The following NBL1 variants were observed in gnomAD, a reference collection of about 807,000 sequenced individuals.
NBL1 encodes the protein neuroblastoma suppressor of tumorigenicity 1.
Under a neutral mutation model 16.0 loss-of-function variants are expected in NBL1, and 9 were observed. The observed-to-expected ratio is 0.56, with a 90% CI of 0.34 to 0.98. NBL1 has a LOEUF of 0.98. Ranked by LOEUF, NBL1 falls within the 50% of genes least tolerant of loss-of-function variation. The pLI is 0.02. For synonymous variants in NBL1, 86 were observed against 100.7 expected, an observed-to-expected ratio of 0.85 and a Z score of 0.87; for missense variants, 196 against 243.1, an observed-to-expected ratio of 0.81 and a Z score of 1.29.
rs981328144 is a variant in NBL1, at chr1:19,644,780, G to A, written c.-20+334G>A. Reference sequence around the variant, plus strand: ...GCGAGGGAGGGAGATGCGTGGCCGGGCGGGCCGGGCTCGCATGTCCCCCGG... The same window carrying A: ...GCGAGGGAGGGAGATGCGTGGCCGGACGGGCCGGGCTCGCATGTCCCCCGG... On this transcript the variant is annotated intron_variant, in intron 1 of 3. Transcript: ENST00000375136. The surrounding 1 kb of genome is among the most constrained non-coding windows in gnomAD (Gnocchi z 4.6). 4.0e-5 allele frequency among the ~76,000 whole-genome samples: 6 copies of A among 151,780 alleles called. No homozygotes were observed. The highest frequency in any genetic ancestry group is 5.9e-5 in the Non-Finnish European group (4 of 67,896).
At chr1:19,649,408 G>A (rs1171302099) in intron 1 of NBL1, among the ~76,000 whole-genome samples, 1 of 151,948 alleles carries the variant, frequency 6.6e-6, no homozygotes, top group Non-Finnish European at 1.5e-5. Context: ...CCCCAGGCTG[G>A]AGTGCAGTGG....
In NBL1 at chr1:19,656,856, C is replaced by A; in HGVS notation, c.283-10C>A. 1.2e-6 allele frequency: 2 copies of A among 1,604,290 alleles called. No homozygotes were observed. The highest frequency in any genetic ancestry group is 8.5e-7 in the Non-Finnish European group (1 of 1,173,046). On this transcript the variant is annotated splice_polypyrimidine_tract_variant and intron_variant, in intron 3 of 3. Coordinates refer to ENST00000375136, the MANE Select transcript of NBL1 (RefSeq NM_005380.8). ...GGAACATGCCTCTGCTTCTCTCTTG[C>A]CCTCTGCAGGTGACGCTGGAGTGCC...
At chr1:19,651,492 C>T (rs2095025268) in intron 1 of NBL1, among the ~76,000 whole-genome samples, 1 of 152,198 alleles carries the variant, frequency 6.6e-6, no homozygotes, top group African/African-American at 2.4e-5. Context: ...GGGCCTGCAA[C>T]CTCTTCCAAA....
At chr1:19,646,019 G>T (rs558529900) in intron 1 of NBL1, 125 of 1,550,494 alleles carry the variant, frequency 8.1e-5, no homozygotes, top group Non-Finnish European at 1.1e-4. Flanking sequence ...TCGTTTGCGG[G>T]CAGGAGGGTC....
chr1:19,655,416 C>T lies in NBL1; in HGVS notation c.263C>T (p.Ala88Val), dbSNP rs367788510. 1.2e-5 allele frequency: 20 copies of T among 1,614,152 alleles called. No individual in the cohort carries two copies. The highest frequency in any genetic ancestry group is 1.7e-5 in the Non-Finnish European group (20 of 1,180,016). Residue 88 changes from alanine to valine, a missense_variant, in exon 3 of 4, where the codon GCC (alanine) becomes GTC (valine). Physicochemically the swap from Ala to Val is moderately conservative, Grantham distance 64. Transcript: ENST00000375136. ...SLVHCDSCMPAQSMWEIVTLE... is the reference protein window; with the variant it reads ...SLVHCDSCMPVQSMWEIVTLE... ...GTTCACTGTGACTCCTGCATGCCAG[C>T]CCAGTCCATGTGGGAGATTGTGAGT...
upstream of NBL1, chr1:19,644,173 C>G (rs2094963166): frequency 2.0e-6 from 2 of 980,262 alleles, no homozygotes; most frequent in African/African-American, 3.5e-5. The surrounding 1 kb of genome is among the most constrained non-coding windows in gnomAD (Gnocchi z 4.6). Context: ...TCCTGCGCAC[C>G]CGGAGGGAGA....
At chr1:19,643,484 A>G, upstream of NBL1, 2 of 1,570,686 alleles carry the variant, frequency 1.3e-6, no homozygotes, top group Non-Finnish European at 1.7e-6. The surrounding 1 kb of genome is among the most constrained non-coding windows in gnomAD (Gnocchi z 4.7). Context: ...AAGCAAAGTT[A>G]TTTTCTCACC....
upstream of NBL1, chr1:19,644,028 G>C: frequency 1.0e-6 from 1 of 983,696 alleles, no homozygotes; most frequent in South Asian, 4.7e-5. This position sits in a 1 kb window ranked among gnomAD's most constrained non-coding sequence, Gnocchi z 4.6. Flanking sequence ...CAGGGCGCCC[G>C]GCTGGGCTGC....
chr1:19,658,221 T>C lies in NBL1; in HGVS notation c.*1092T>C, dbSNP rs1358231089. On this transcript the variant is annotated 3_prime_UTR_variant, in exon 4 of 4. Transcript: ENST00000375136. The stretch of plus-strand genomic sequence containing the variant: ...CCAGCTGCACTTTAACCCTAGAAGG[T>C]GGGGACCTGGGGGGAGGGACAGGGC... 3.3e-5 allele frequency: 5 copies of C among 152,718 alleles called. No individual in the cohort carries two copies. The highest frequency in any genetic ancestry group is 2.6e-4 in the Admixed American group (4 of 15,276). The allele number at this position is 152,718 out of a possible 1,614,324, so 9.5% of individuals were successfully genotyped here. A position where few individuals can be genotyped will look rare whatever the true frequency, so the allele number is the denominator to read the frequency against.
intron 1 of NBL1, chr1:19,645,716 C>T (rs1302747542): frequency 1.7e-5 from 23 of 1,323,102 alleles, no homozygotes; most frequent in Non-Finnish European, 2.0e-5. Context: ...CCTCGGTGAC[C>T]CCTACCCCTC....
At chr1:19,653,906 C>T (rs547325951) in intron 1 of NBL1, among the ~76,000 whole-genome samples, 1 of 152,078 alleles carries the variant, frequency 6.6e-6, no homozygotes, top group Non-Finnish European at 1.5e-5. Context: ...TAGTATCTCA[C>T]TCCATCCTAT....
At position 19,657,071 on chromosome 1, in the gene NBL1, C is replaced by A; in HGVS notation, c.488C>A (p.Pro163His). The A allele has an allele frequency of 6.5e-7, 1 of 1,536,802 alleles. No homozygotes were observed. The highest frequency in any genetic ancestry group is 8.8e-7 in the Non-Finnish European group (1 of 1,138,850). ...CACCCCCATCCTGGCGGGCAGACCC[C>A]TGAGCCCGAGGACCCCCCTGGGGCC... ...HPHPHPGGQT[P>H]EPEDPPGAPH... Residue 163 changes from proline to histidine, a missense_variant, in exon 4 of 4, where the codon CCT becomes CAT. Transcript: ENST00000375136.
At chr1:19,655,791 G>T (rs1287165072) in intron 3 of NBL1, among the ~76,000 whole-genome samples, 1 of 152,152 alleles carries the variant, frequency 6.6e-6, no homozygotes, top group African/African-American at 2.4e-5. Context: ...GCCTCCTCCT[G>T]CTTCCTGCCT....
chr1:19,643,544 G>A, upstream of NBL1: 1 of 1,456,656 alleles, frequency 6.9e-7, no homozygotes, highest in South Asian at 1.4e-5. This position sits in a 1 kb window ranked among gnomAD's most constrained non-coding sequence, Gnocchi z 4.7. Context: ...ATCCACCCAA[G>A]TGCCCACTGA....
rs368092130 is a variant in NBL1 at position 19,644,778 on chromosome 1, G to C, written c.-20+332G>C. 6.6e-6 allele frequency among the ~76,000 whole-genome samples: 1 copy of C among 151,834 alleles called. No homozygotes were observed. The highest frequency in any genetic ancestry group is 1.5e-5 in the Non-Finnish European group (1 of 67,906). On this transcript the variant is annotated intron_variant, in intron 1 of 3. Transcript: ENST00000375136. This position sits in a 1 kb window ranked among gnomAD's most constrained non-coding sequence, Gnocchi z 4.6. ...GAGCGAGGGAGGGAGATGCGTGGCC[G>C]GGCGGGCCGGGCTCGCATGTCCCCC...
upstream of NBL1, chr1:19,643,240 C>T (rs1045136516): frequency 1.4e-6 from 2 of 1,443,692 alleles, no homozygotes; most frequent in Non-Finnish European, 1.9e-6. This position sits in a 1 kb window ranked among gnomAD's most constrained non-coding sequence, Gnocchi z 4.7. Flanking sequence ...CAGATGCAGG[C>T]TGGGTGTGGA....
rs1301528372 is a variant in NBL1, at chr1:19,657,886, AGAC to A, written c.*760_*762del. On this transcript the variant is annotated 3_prime_UTR_variant, in exon 4 of 4. Coordinates refer to ENST00000375136, the MANE Select transcript of NBL1 (RefSeq NM_005380.8). ...GACAACCCCCCAAGACCATCCCTGA[AGAC>A]GAGCATCCCCCTCCTCTCCCTGTTA... The A allele has an allele frequency of 6.5e-6, 1 of 152,722 alleles. No homozygotes were observed. The highest frequency in any genetic ancestry group is 6.5e-5 in the Admixed American group (1 of 15,286). 9.5% of individuals were successfully genotyped at this position (152,722 alleles called of 1,614,324 possible). A position where few individuals can be genotyped will look rare whatever the true frequency, so the allele number is the denominator to read the frequency against.
rs1214165106 is a variant in NBL1, at chr1:19,644,331, C to A, written c.-135C>A. 6.1e-6 allele frequency: 6 copies of A among 979,208 alleles called. No individual in the cohort carries two copies. The highest frequency in any genetic ancestry group is 9.4e-5 in the South Asian group (2 of 21,280). 60.7% of individuals were successfully genotyped at this position (979,208 alleles called of 1,614,324 possible). On this transcript the variant is annotated 5_prime_UTR_variant, in exon 1 of 4. Coordinates refer to ENST00000375136, the MANE Select transcript of NBL1 (RefSeq NM_005380.8). This position sits in a 1 kb window ranked among gnomAD's most constrained non-coding sequence, Gnocchi z 4.6. Reference sequence around the variant, plus strand: ...GGGCCGCAGACAGCGCGCAGCGCAGCCCAGCCGAGCGTCGCGGGGCCGCCC... The same window carrying A: ...GGGCCGCAGACAGCGCGCAGCGCAGACCAGCCGAGCGTCGCGGGGCCGCCC...
chr1:19,657,060 C>T lies in NBL1; in HGVS notation c.477C>T (p.Gly159=), dbSNP rs978147119. 1.8e-5 allele frequency: 27 copies of T among 1,514,334 alleles called. No individual in the cohort carries two copies. In the African/African-American group the frequency reaches 2.5e-4, roughly 14 times the overall value. 93.8% of individuals were successfully genotyped at this position (1,514,334 alleles called of 1,614,324 possible). Residue 159 remains glycine (G), a synonymous_variant, in exon 4 of 4, where the codon GGC becomes GGT. Transcript: ENST00000375136. ...HPHPHPHPHP[G]GQTPEPEDPP... The stretch of plus-strand genomic sequence containing the variant: ...ACCCCCATCCCCACCCCCATCCTGG[C>T]GGGCAGACCCCTGAGCCCGAGGACC...
Sources: allele counts gnomAD v4.1 joint callset (sites outside exome capture counted in the v4.1 genomes callset), GRCh38; gene constraint gnomAD v4.1.1; non-coding constraint Gnocchi (gnomAD v3.1); transcripts MANE v1.5; gene names NCBI Gene and HGNC (gene_info 2026-07-23, HGNC 2026-07-21).